Variants in RBFOX1 observed in about 807,000 individuals in gnomAD.
RBFOX1 encodes the protein RNA binding fox-1 homolog 1.
RBFOX1 carries 8 observed loss-of-function variants against 57.7 expected under a neutral mutation model. The ratio of observed to expected loss-of-function variants is 0.14; its 90% confidence interval spans 0.08 to 0.25. The LOEUF is 0.25. RBFOX1 is among the 10% of genes least tolerant of loss of function. The pLI is 1.00. For missense variants in RBFOX1, 611 were observed against 548.5 expected, an observed-to-expected ratio of 1.11 and a Z score of -1.14; for synonymous variants, 326 against 222.4, an observed-to-expected ratio of 1.47 and a Z score of -4.15.
chr16:5,364,885 C>T (rs774521473), intron 1 of RBFOX1, among the ~76,000 whole-genome samples: 1 of 152,112 alleles, frequency 6.6e-6, no homozygotes, highest in Non-Finnish European at 1.5e-5. Flanking sequence ...TGAAACGCAC[C>T]TGCTTGGGCT....
intron 3 of RBFOX1, among the ~76,000 whole-genome samples, chr16:5,705,817 T>C (rs183994011): frequency 3.8e-4 from 58 of 152,364 alleles, no homozygotes; most frequent in African/African-American, 1.3e-3. Context: ...GCTTTGCTTA[T>C]TATCATATCC....
intron 2 of RBFOX1, among the ~76,000 whole-genome samples, chr16:6,386,088 A>T (rs1407407986): frequency 3.9e-5 from 6 of 152,098 alleles, no homozygotes; most frequent in Non-Finnish European, 7.4e-5. Context: ...GGCGCCCGCC[A>T]CCGCGCCCGG....
intron 2 of RBFOX1, among the ~76,000 whole-genome samples, chr16:6,438,777 A>G (rs2094302844): frequency 6.6e-6 from 1 of 152,018 alleles, no homozygotes; most frequent in African/African-American, 2.4e-5. Context: ...GGTTACTGAG[A>G]CATGCATAAT....
chr16:7,118,972 T>C (rs1268644205), intron 4 of RBFOX1, among the ~76,000 whole-genome samples: 1 of 152,146 alleles, frequency 6.6e-6, no homozygotes, highest in African/African-American at 2.4e-5. Flanking sequence ...CAAATACATA[T>C]TGGATGTACT....
At chr16:6,672,361 A>G (rs778888085) in intron 3 of RBFOX1, among the ~76,000 whole-genome samples, 1 of 151,368 alleles carries the variant, frequency 6.6e-6, no homozygotes, top group Non-Finnish European at 1.5e-5. Context: ...AGAGTGAGAG[A>G]GAGAAGAGGG....
At chr16:7,473,595 C>A (rs1351162446) in intron 4 of RBFOX1, among the ~76,000 whole-genome samples, 1 of 151,406 alleles carries the variant, frequency 6.6e-6, no homozygotes, top group Non-Finnish European at 1.5e-5. Context: ...TTACCTGCTA[C>A]CCATATTATG....
At chr16:6,362,285 C>T (rs568354711) in intron 2 of RBFOX1, among the ~76,000 whole-genome samples, 45 of 151,998 alleles carry the variant, frequency 3.0e-4, no homozygotes, top group Admixed American at 2.9e-3. Context: ...CCTCTAAGTA[C>T]TCTTCACCTT....
chr16:7,215,149 A>C (rs12325123), intron 4 of RBFOX1, among the ~76,000 whole-genome samples: 3 of 152,042 alleles, frequency 2.0e-5, no homozygotes, highest in African/African-American at 7.3e-5. Context: ...ATGAGTGAGA[A>C]CATGTGGTGT....
At chr16:6,122,502 T>G (rs928347606) in intron 1 of RBFOX1, among the ~76,000 whole-genome samples, 1 of 152,100 alleles carries the variant, frequency 6.6e-6, no homozygotes, top group African/African-American at 2.4e-5. Flanking sequence ...CTCATTCGAG[T>G]TAATCTCTGA....
chr16:6,881,742 C>T (rs181270910), intron 3 of RBFOX1, among the ~76,000 whole-genome samples: 1 of 148,694 alleles, frequency 6.7e-6, no homozygotes, highest in Non-Finnish European at 1.5e-5. Flanking sequence ...CACTGGGTGC[C>T]TACCATGAGC....
At chr16:5,424,931 CTT>C (rs1567490091) in intron 1 of RBFOX1, among the ~76,000 whole-genome samples, 5 of 83,850 alleles carry the variant, frequency 6.0e-5, no homozygotes, top group Non-Finnish European at 9.6e-5. Flanking sequence ...TTCTTTCTTT[CTT>C]TCTCTCTCTT....
intron 3 of RBFOX1, among the ~76,000 whole-genome samples, chr16:6,904,534 G>A (rs1029289694): frequency 1.5e-5 from 2 of 135,594 alleles, no homozygotes; most frequent in Non-Finnish European, 3.1e-5. Flanking sequence ...CCAGGAGGCA[G>A]ATGTTGCAGT....
intron 3 of RBFOX1, among the ~76,000 whole-genome samples, chr16:6,666,054 T>G (rs559198462): frequency 6.6e-6 from 1 of 152,164 alleles, no homozygotes; most frequent in East Asian, 1.9e-4. Context: ...GAAACCCCTT[T>G]CGCTTGTTTT....
At chr16:6,695,017 G>T (rs2060807686) in intron 3 of RBFOX1, among the ~76,000 whole-genome samples, 1 of 152,064 alleles carries the variant, frequency 6.6e-6, no homozygotes, top group Non-Finnish European at 1.5e-5. Context: ...TCTAAAAGCT[G>T]CATTTCATAT....
At chr16:6,686,392 T>A (rs1603415507) in intron 3 of RBFOX1, among the ~76,000 whole-genome samples, 1 of 152,228 alleles carries the variant, frequency 6.6e-6, no homozygotes. Flanking sequence ...TTCAGTTTCA[T>A]GTCGATGACA....
chr16:7,203,537 T>C (rs1256219456), intron 4 of RBFOX1, among the ~76,000 whole-genome samples: 2 of 152,230 alleles, frequency 1.3e-5, no homozygotes, highest in African/African-American at 2.4e-5. Flanking sequence ...ATAGTAACTT[T>C]TATGTTGTAT....
At chr16:7,049,359 A>G (rs1342530791) in intron 3 of RBFOX1, among the ~76,000 whole-genome samples, 1 of 152,202 alleles carries the variant, frequency 6.6e-6, no homozygotes, top group Admixed American at 6.5e-5. Context: ...AAGTGTCTGC[A>G]GCCACCCCTG....
At chr16:6,885,213 A>C (rs1390011155) in intron 3 of RBFOX1, among the ~76,000 whole-genome samples, 1 of 152,168 alleles carries the variant, frequency 6.6e-6, no homozygotes, top group East Asian at 1.9e-4. Context: ...TCAGAAAACT[A>C]GAACTGTGGT....
intron 2 of RBFOX1, among the ~76,000 whole-genome samples, chr16:5,543,561 A>C (rs2045057546): frequency 6.6e-6 from 1 of 152,216 alleles, no homozygotes; most frequent in Non-Finnish European, 1.5e-5. Context: ...CAAGGAATTT[A>C]ATATATGTGT....
Sources: gnomAD v4.1 joint callset for allele counts (sites outside exome capture counted in the v4.1 genomes callset) on GRCh38, gnomAD v4.1.1 for gene constraint, MANE v1.5 for transcripts, NCBI Gene and HGNC (gene_info 2026-07-23, HGNC 2026-07-21) for gene names.